The following EFCAB7 variants were observed in gnomAD, a reference collection of about 807,000 sequenced individuals.
EFCAB7 encodes the protein EF-hand calcium-binding domain-containing protein 7.
In EFCAB7, 66 loss-of-function variants were observed where a neutral mutation model predicts 77.1. That is an observed-to-expected ratio of 0.86 (90% CI 0.70 to 1.05). The LOEUF is 1.05. Ranked by LOEUF, EFCAB7 falls within the 50% of genes least tolerant of loss-of-function variation. The pLI, the probability that EFCAB7 is intolerant of heterozygous loss-of-function variation, is 0.00. For missense variants in EFCAB7, 638 were observed against 730.5 expected, an observed-to-expected ratio of 0.87 and a Z score of 1.46; for synonymous variants, 225 against 243.3, an observed-to-expected ratio of 0.92 and a Z score of 0.70.
rs564029998 is a variant in EFCAB7 at position 63,554,331 on chromosome 1, T to G, written c.1057-1027T>G. Among the ~76,000 whole-genome samples, 44 of 152,196 alleles carry G rather than the reference T, an allele frequency of 2.9e-4. No homozygotes were observed. The South Asian group carries it at 3.7e-3, about 13-fold the overall frequency. The stretch of plus-strand genomic sequence containing the variant: ...GTACATAGAGAGATACCATTTGCTT[T>G]CTTTCTTTCTTTTGTTTTTTTGTTT... On this transcript the variant is annotated intron_variant, in intron 8 of 13. Coordinates refer to ENST00000371088, the MANE Select transcript of EFCAB7 (RefSeq NM_032437.4).
intron 11 of EFCAB7, among the ~76,000 whole-genome samples, chr1:63,562,937 T>C (rs561271342): frequency 2.6e-5 from 4 of 152,318 alleles, no homozygotes; most frequent in African/African-American, 9.6e-5. Context: ...AGTTTTGACA[T>C]CATTCAAAAC....
At chr1:63,566,972 T>C (rs960144742) in intron 11 of EFCAB7, among the ~76,000 whole-genome samples, 46 of 151,696 alleles carry the variant, frequency 3.0e-4, no homozygotes, top group Non-Finnish European at 5.7e-4. Flanking sequence ...CTTCTTTCTT[T>C]TATTTTCTTA....
intron 10 of EFCAB7, among the ~76,000 whole-genome samples, chr1:63,561,431 T>C (rs977680682): frequency 6.6e-6 from 1 of 152,194 alleles, no homozygotes; most frequent in Admixed American, 6.5e-5. Flanking sequence ...AATATTACAG[T>C]TTCCTCTAAT....
Position 63,571,135 on chromosome 1 carries a change from T to C in EFCAB7, c.1815+7T>C. 2 of 1,580,362 alleles carry C rather than the reference T, an allele frequency of 1.3e-6. No homozygotes were observed. The highest frequency in any genetic ancestry group is 1.7e-6 in the Non-Finnish European group (2 of 1,159,790). On this transcript the variant is annotated splice_region_variant and intron_variant, in intron 13 of 13. Coordinates refer to ENST00000371088, the MANE Select transcript of EFCAB7 (RefSeq NM_032437.4). ...GGGACCCAAATCTACAATGGTAATG[T>C]ATTATTTTCTAATTAAAGCCTTTTG...
chr1:63,529,400 T>C (rs1646654073), intron 2 of EFCAB7, among the ~76,000 whole-genome samples: 1 of 152,118 alleles, frequency 6.6e-6, no homozygotes, highest in Non-Finnish European at 1.5e-5. Flanking sequence ...TACAGTCAGA[T>C]GTAGACTTCC....
chr1:63,564,028 T>C (rs1647142064), intron 11 of EFCAB7, among the ~76,000 whole-genome samples: 1 of 152,152 alleles, frequency 6.6e-6, no homozygotes, highest in South Asian at 2.1e-4. Context: ...GATTCAGAAC[T>C]GGGAAAATTT....
chr1:63,546,761 A>G (rs1646903894), intron 7 of EFCAB7, among the ~76,000 whole-genome samples: 1 of 152,202 alleles, frequency 6.6e-6, no homozygotes, highest in South Asian at 2.1e-4. Context: ...CAAGGGGATA[A>G]TTTGGAACAA....
At chr1:63,563,969 TTC>T (rs1452691090) in intron 11 of EFCAB7, among the ~76,000 whole-genome samples, 5 of 152,180 alleles carry the variant, frequency 3.3e-5, no homozygotes, top group African/African-American at 1.2e-4. Flanking sequence ...CCCCTTTTTT[TTC>T]TGTTTTCCTT....
chr1:63,542,287 C>T (rs990590784), intron 6 of EFCAB7, among the ~76,000 whole-genome samples: 1 of 152,166 alleles, frequency 6.6e-6, no homozygotes, highest in African/African-American at 2.4e-5. Flanking sequence ...CAGAATTTTA[C>T]TCCTTTTTAA....
intron 11 of EFCAB7, among the ~76,000 whole-genome samples, chr1:63,566,389 G>A (rs1468553091): frequency 6.6e-6 from 1 of 152,094 alleles, no homozygotes; most frequent in Non-Finnish European, 1.5e-5. Flanking sequence ...GAAAAATAAC[G>A]AATGGGTACT....
At chr1:63,529,227 A>G (rs1006299232) in intron 2 of EFCAB7, 2 of 152,224 alleles carry the variant, frequency 1.3e-5, no homozygotes, top group African/African-American at 4.8e-5. Context: ...CAATGCAATG[A>G]ATTTCCACAA....
chr1:63,554,680 A>G (rs1647007379), intron 8 of EFCAB7, among the ~76,000 whole-genome samples: 1 of 152,202 alleles, frequency 6.6e-6, no homozygotes, highest in African/African-American at 2.4e-5. Context: ...GTTTTCCTGT[A>G]CAAATGTTCT....
downstream of EFCAB7, among the ~76,000 whole-genome samples, chr1:63,575,594 C>A (rs1399542130): frequency 1.3e-5 from 2 of 151,968 alleles, no homozygotes. Flanking sequence ...ATATAACACC[C>A]ATTTTTTTTG....
At chr1:63,581,782 G>A in the EFCAB7 span, among the ~76,000 whole-genome samples, 3 of 152,058 alleles carry the variant, frequency 2.0e-5, no homozygotes. Context: ...AAAAAGTTAG[G>A]TATGTCATGA....
At chr1:63,548,428 G>A (rs1362391372) in intron 7 of EFCAB7, 1 of 152,162 alleles carries the variant, frequency 6.6e-6, no homozygotes, top group African/African-American at 2.4e-5. Flanking sequence ...GTGTGTCTAG[G>A]TAGTTTTTGT....
In EFCAB7 at chr1:63,551,816, C is replaced by T. The variant is rs758466897; in HGVS notation, c.1038C>T (p.Thr346=). ...SQANLQLVCF[T]ELRNREVFGW... ...CAAATCTACAGCTTGTGTGTTTTAC[C>T]GAACTACGAAATAGAGAAGTATACA... The change falls in exon 8 of 14, where the codon ACC becomes ACT. Residue 346 remains threonine (T), a synonymous_variant. Coordinates refer to ENST00000371088, the MANE Select transcript of EFCAB7 (RefSeq NM_032437.4). 39 of 1,586,008 alleles carry T rather than the reference C, an allele frequency of 2.5e-5. 1 individual carries two copies. The South Asian group carries it at 2.5e-4, about 10-fold the overall frequency.
chr1:63,575,608 CAG>C (rs747983568), downstream of EFCAB7, among the ~76,000 whole-genome samples: 2 of 152,052 alleles, frequency 1.3e-5, no homozygotes, highest in African/African-American at 4.8e-5. Flanking sequence ...TTTTTTGAGA[CAG>C]AGTCTTGCTC....
chr1:63,546,080 T>G, intron 7 of EFCAB7, 23 bp downstream of exon 7: 1 of 1,601,468 alleles, frequency 6.2e-7, no homozygotes, highest in South Asian at 1.1e-5. Flanking sequence ...TTTTTGTATA[T>G]TTTTAAAATG....
chr1:63,574,398 C>T (rs1038104279), downstream of EFCAB7, among the ~76,000 whole-genome samples: 11 of 152,148 alleles, frequency 7.2e-5, no homozygotes, highest in African/African-American at 2.7e-4. Flanking sequence ...GTCCAAGAAC[C>T]ACTTGCCTTG....
Sources: gnomAD v4.1 joint callset for allele counts (sites outside exome capture counted in the v4.1 genomes callset) on GRCh38, gnomAD v4.1.1 for gene constraint, MANE v1.5 for transcripts, NCBI Gene and HGNC (gene_info 2026-07-23, HGNC 2026-07-21) for gene names.